The following DNAH14 variants were observed in gnomAD, a reference collection of about 807,000 sequenced individuals.
DNAH14 encodes the protein dynein axonemal heavy chain 14, also known as axonemal beta dynein heavy chain 14.
DNAH14 carries 478 observed loss-of-function variants against 520.9 expected under a neutral mutation model. The ratio of observed to expected loss-of-function variants is 0.92; its 90% confidence interval spans 0.85 to 0.99. DNAH14 has a LOEUF of 0.99. Ranked by LOEUF, DNAH14 falls within the 50% of genes least tolerant of loss-of-function variation. DNAH14 has a pLI of 0.00. For missense variants in DNAH14, 4,831 were observed against 5,234.5 expected, an observed-to-expected ratio of 0.92 and a Z score of 2.38; for synonymous variants, 1,581 against 1,757.2, an observed-to-expected ratio of 0.90 and a Z score of 2.51.
intron 76 of DNAH14, among the ~76,000 whole-genome samples, chr1:225,365,449 C>T (rs545822629): frequency 4.2e-4 from 64 of 152,238 alleles, no homozygotes; most frequent in African/African-American, 1.3e-3. Flanking sequence ...CCCAGACTCC[C>T]GATCACGTGC....
intron 64 of DNAH14, among the ~76,000 whole-genome samples, chr1:225,327,198 C>T (rs2094692100): frequency 6.6e-6 from 1 of 151,862 alleles, no homozygotes; most frequent in Non-Finnish European, 1.5e-5. Context: ...TGCACTCTCG[C>T]CCAGGCTGAA....
At chr1:225,348,454 A>G (rs2095319207) in intron 71 of DNAH14, among the ~76,000 whole-genome samples, 1 of 152,204 alleles carries the variant, frequency 6.6e-6, no homozygotes, top group African/African-American at 2.4e-5. Flanking sequence ...AGTCAAAGAC[A>G]ATGACAGAAT....
At chr1:225,369,012 G>A (rs114412091) in intron 77 of DNAH14, among the ~76,000 whole-genome samples, 2,950 of 152,124 alleles carry the variant, frequency 0.019, 119 homozygotes, top group African/African-American at 0.068. Context: ...GGAAATATTT[G>A]AACCATATAT....
At chr1:225,318,854 A>G (rs560001964) in intron 61 of DNAH14, among the ~76,000 whole-genome samples, 177 bp downstream of exon 61, 1 of 152,292 alleles carries the variant, frequency 6.6e-6, no homozygotes, top group African/African-American at 2.4e-5. Context: ...TGTATGGTAT[A>G]TACTGTATCT....
intron 36 of DNAH14, 35 bp downstream of exon 36, chr1:225,168,063 C>G: frequency 8.4e-7 from 1 of 1,192,942 alleles, no homozygotes; most frequent in East Asian, 2.6e-5. Flanking sequence ...AATCCTTTGC[C>G]TGTATTTCAA....
At chr1:225,380,374 G>A (rs543621093) in intron 80 of DNAH14, 52 bp downstream of exon 80, 109 of 1,493,970 alleles carry the variant, frequency 7.3e-5, no homozygotes, top group Admixed American at 9.8e-5. Context: ...CTCAAGAAAG[G>A]ACTCTGGTGT....
intron 46 of DNAH14, among the ~76,000 whole-genome samples, chr1:225,263,983 G>A (rs576791606): frequency 4.2e-4 from 64 of 152,156 alleles, no homozygotes; most frequent in African/African-American, 1.5e-3. Flanking sequence ...AATTTGCCCA[G>A]TTTGTTTTAT....
At chr1:225,283,310 A>G (rs2093665379) in intron 54 of DNAH14, among the ~76,000 whole-genome samples, 1 of 152,074 alleles carries the variant, frequency 6.6e-6, no homozygotes. Context: ...CAAAGATCCA[A>G]AATGGCTGAA....
intron 41 of DNAH14, among the ~76,000 whole-genome samples, chr1:225,222,230 G>A (rs886176495): frequency 6.6e-6 from 1 of 152,148 alleles, no homozygotes; most frequent in African/African-American, 2.4e-5. Flanking sequence ...AGTCATTGGT[G>A]CCCGCTTGGG....
chr1:225,271,847 C>A (rs2093323518), intron 50 of DNAH14, 59 bp from the exon 51 acceptor site: 3 of 1,375,852 alleles, frequency 2.2e-6, no homozygotes, highest in South Asian at 2.9e-5. Context: ...GGAAGGTAGC[C>A]AGAAGTAGTC....
intron 41 of DNAH14, among the ~76,000 whole-genome samples, chr1:225,223,173 C>T (rs2620866): frequency 0.12 from 18,880 of 152,100 alleles, 1,323 homozygotes; most frequent in East Asian, 0.31. Context: ...CTTAGGCAAG[C>T]GACATTAGAA....
chr1:225,036,221 C>T (rs954013931), intron 11 of DNAH14, among the ~76,000 whole-genome samples: 8 of 152,066 alleles, frequency 5.3e-5, no homozygotes, highest in African/African-American at 1.7e-4. Flanking sequence ...CTGCAACCTC[C>T]GCCTCCCAGG....
chr1:225,348,311 T>C (rs1484935588), intron 71 of DNAH14, among the ~76,000 whole-genome samples: 1 of 152,074 alleles, frequency 6.6e-6, no homozygotes, highest in Non-Finnish European at 1.5e-5. Context: ...AGAAATTCTT[T>C]GAAGAAACAA....
chr1:225,002,350 T>A (rs1473315661), intron 8 of DNAH14, among the ~76,000 whole-genome samples: 6 of 152,182 alleles, frequency 3.9e-5, no homozygotes, highest in Non-Finnish European at 8.8e-5. Flanking sequence ...ATATAGGTAG[T>A]TGGAGATTTT....
intron 17 of DNAH14, among the ~76,000 whole-genome samples, chr1:225,064,433 G>A (rs1253946399): frequency 1.3e-5 from 2 of 151,844 alleles, no homozygotes; most frequent in Non-Finnish European, 2.9e-5. Flanking sequence ...CATTAAAAAT[G>A]AAAACAAGTC....
chr1:225,175,231 T>A (rs557446566), intron 36 of DNAH14, among the ~76,000 whole-genome samples: 1 of 152,272 alleles, frequency 6.6e-6, no homozygotes, highest in African/African-American at 2.4e-5. Context: ...CTGAGTAGAA[T>A]TGGTATTAGT....
chr1:225,107,804 G>C (rs1178239260), intron 23 of DNAH14, among the ~76,000 whole-genome samples: 1 of 152,098 alleles, frequency 6.6e-6, no homozygotes, highest in African/African-American at 2.4e-5. Flanking sequence ...GCCAACATTT[G>C]TTATTGCCTG....
intron 27 of DNAH14, among the ~76,000 whole-genome samples, chr1:225,127,764 G>C (rs1485799357): frequency 1.3e-5 from 2 of 152,070 alleles, no homozygotes; most frequent in Admixed American, 6.6e-5. Flanking sequence ...ATGTTAGCTG[G>C]TTATTTTGCT....
intron 11 of DNAH14, among the ~76,000 whole-genome samples, chr1:225,025,132 G>C (rs2066001714): frequency 6.6e-6 from 1 of 152,006 alleles, no homozygotes; most frequent in Non-Finnish European, 1.5e-5. Context: ...GAGTCCAGGA[G>C]TTTAAGATCA....
Sources: allele counts gnomAD v4.1 joint callset (sites outside exome capture counted in the v4.1 genomes callset), GRCh38; gene constraint gnomAD v4.1.1; transcripts MANE v1.5; gene names NCBI Gene and HGNC (gene_info 2026-07-23, HGNC 2026-07-21).